SNX29: variants seen among roughly 807,000 people sequenced by gnomAD.
SNX29 encodes sorting nexin-29.
SNX29 carries 78 observed loss-of-function variants against 102.1 expected under a neutral mutation model. The ratio of observed to expected loss-of-function variants is 0.76; its 90% confidence interval spans 0.64 to 0.92. The LOEUF is 0.92. Ranked by LOEUF, SNX29 falls within the 40% of genes least tolerant of loss-of-function variation. The probability of loss-of-function intolerance (pLI) is 0.00; values close to 1 mark genes in which losing one functional copy is unlikely to be tolerated. For missense variants in SNX29, 1,280 were observed against 1,061.7 expected, an observed-to-expected ratio of 1.21 and a Z score of -2.86; for synonymous variants, 580 against 414.5, an observed-to-expected ratio of 1.40 and a Z score of -4.85.
Position 12,518,341 on chromosome 16 carries a change from C to T in SNX29, c.2179-6361C>T, listed in dbSNP as rs180777928. Among the ~76,000 whole-genome samples the T allele has an allele frequency of 8.6e-4, 131 of 152,290 alleles. 2 individuals are homozygous for T. Among genetic ancestry groups the T allele is most frequent in the Admixed American group, 1.0e-3 (16 of 15,292 alleles). On this transcript the variant is annotated intron_variant, in intron 19 of 20. Transcript: ENST00000566228. ...CACTGCAGTCTTACACCTCTGGAGC[C>T]GCTAAACCCAGCCACACCGGCTGCC...
intron 13 of SNX29, among the ~76,000 whole-genome samples, chr16:12,189,042 G>C (rs1206580083): frequency 6.6e-6 from 1 of 152,190 alleles, no homozygotes; most frequent in African/African-American, 2.4e-5. Context: ...AAGTGTCCTG[G>C]AGGCTTGCCA....
chr16:12,253,479 G>C lies in SNX29; in HGVS notation c.1679-24454G>C, dbSNP rs111271659. Among the ~76,000 whole-genome samples the C allele has an allele frequency of 5.3e-3, 809 of 152,334 alleles. 7 individuals are homozygous for C. Among genetic ancestry groups the C allele is most frequent in the African/African-American group, 0.018 (737 of 41,578 alleles). ...AGTCAAAATAGAGAAGGTTAAGGGG[G>C]CTCAGGAGTGTGGGGAGATCATGAC... On this transcript the variant is annotated intron_variant, in intron 14 of 20. Transcript: ENST00000566228.
intron 20 of SNX29, among the ~76,000 whole-genome samples, chr16:12,546,977 A>G (rs188897369): frequency 7.6e-4 from 116 of 152,334 alleles, no homozygotes; most frequent in African/African-American, 2.5e-3. Flanking sequence ...CATTCCTCCA[A>G]TTAGTACTTA....
intron 13 of SNX29, among the ~76,000 whole-genome samples, chr16:12,146,081 G>A (rs537889361): frequency 4.6e-5 from 7 of 152,294 alleles, no homozygotes; most frequent in Middle Eastern, 3.4e-3. Flanking sequence ...GATTTGTAAC[G>A]GCTGTGTAGC....
intron 10 of SNX29, among the ~76,000 whole-genome samples, chr16:12,075,417 C>T (rs992809089): frequency 2.0e-5 from 3 of 152,188 alleles, no homozygotes; most frequent in African/African-American, 7.2e-5. Context: ...TTGGAGTTTG[C>T]TAGAGGTCCA....
intron 16 of SNX29, among the ~76,000 whole-genome samples, chr16:12,381,390 C>A (rs999658367): frequency 2.9e-5 from 3 of 104,308 alleles, no homozygotes; most frequent in African/African-American, 1.2e-4. Context: ...CACCCACCCA[C>A]TCATCATCCA....
At chr16:12,124,368 A>G (rs936539630) in intron 11 of SNX29, among the ~76,000 whole-genome samples, 3 of 151,684 alleles carry the variant, frequency 2.0e-5, no homozygotes. Context: ...AAAAAAAAAA[A>G]AACTGATATT....
chr16:12,344,801 G>A (rs544982719), intron 15 of SNX29, among the ~76,000 whole-genome samples: 9 of 152,322 alleles, frequency 5.9e-5, no homozygotes, highest in South Asian at 4.1e-4. Flanking sequence ...GGCCAACGCT[G>A]CGCTGCCTTC....
At chr16:12,388,755 G>A (rs902607262) in intron 16 of SNX29, among the ~76,000 whole-genome samples, 3 of 152,226 alleles carry the variant, frequency 2.0e-5, no homozygotes, top group Non-Finnish European at 4.4e-5. Context: ...AGTATGGAGA[G>A]GTACTGGGTT....
At chr16:12,101,340 C>T (rs1457806821) in intron 11 of SNX29, among the ~76,000 whole-genome samples, 1 of 122,472 alleles carries the variant, frequency 8.2e-6, no homozygotes, top group Non-Finnish European at 1.6e-5. Flanking sequence ...TTTAGCATCT[C>T]TCTCATTCTG....
intron 18 of SNX29, among the ~76,000 whole-genome samples, chr16:12,477,248 A>G (rs1344981113): frequency 6.6e-6 from 1 of 152,110 alleles, no homozygotes; most frequent in South Asian, 2.1e-4. Context: ...ACTGAATTCC[A>G]CCTCATCTGT....
intron 14 of SNX29, among the ~76,000 whole-genome samples, chr16:12,275,002 T>A (rs1168308015): frequency 6.6e-6 from 1 of 152,242 alleles, no homozygotes; most frequent in Non-Finnish European, 1.5e-5. Context: ...AGTCTCTCTT[T>A]CCTGCAAGTT....
At chr16:12,227,487 C>T (rs1447133440) in intron 14 of SNX29, among the ~76,000 whole-genome samples, 1 of 152,216 alleles carries the variant, frequency 6.6e-6, no homozygotes. Flanking sequence ...AAATGACCAA[C>T]TCAATTCTGT....
At chr16:12,538,281 A>G (rs149520579) in intron 20 of SNX29, among the ~76,000 whole-genome samples, 1 of 152,000 alleles carries the variant, frequency 6.6e-6, no homozygotes, top group Non-Finnish European at 1.5e-5. Flanking sequence ...ACACCTGGCT[A>G]ATTTTGTATT....
At chr16:12,333,928 C>T (rs541083070) in intron 15 of SNX29, among the ~76,000 whole-genome samples, 1 of 152,292 alleles carries the variant, frequency 6.6e-6, no homozygotes, top group East Asian at 1.9e-4. Context: ...CCGTGCCCTG[C>T]ATTTATCTTT....
intron 20 of SNX29, among the ~76,000 whole-genome samples, chr16:12,567,720 C>G (rs563697843): frequency 1.3e-5 from 2 of 152,190 alleles, no homozygotes; most frequent in Non-Finnish European, 2.9e-5. Flanking sequence ...TATCATTACA[C>G]GATTGCACTG....
intron 20 of SNX29, among the ~76,000 whole-genome samples, chr16:12,546,893 G>T (rs1173756586): frequency 6.6e-6 from 1 of 152,212 alleles, no homozygotes; most frequent in African/African-American, 2.4e-5. Flanking sequence ...CCAGGGCTAG[G>T]AGTGCAGCTG....
chr16:12,078,699 C>A, intron 10 of SNX29, 134 bp from the exon 11 acceptor site: 1 of 753,366 alleles, frequency 1.3e-6, no homozygotes, highest in Non-Finnish European at 2.3e-6. Flanking sequence ...CGAGGCCTGA[C>A]TAATTTCCAA....
At chr16:12,268,535 G>T (rs2079001082) in intron 14 of SNX29, among the ~76,000 whole-genome samples, 2 of 152,090 alleles carry the variant, frequency 1.3e-5, no homozygotes, top group Admixed American at 1.3e-4. Flanking sequence ...GAACACTGTG[G>T]GTAACCGGTG....
Sources: gnomAD v4.1 joint callset for allele counts (sites outside exome capture counted in the v4.1 genomes callset) on GRCh38, gnomAD v4.1.1 for gene constraint, MANE v1.5 for transcripts, NCBI Gene and HGNC (gene_info 2026-07-23, HGNC 2026-07-21) for gene names.